Variants in RSF1 observed in about 807,000 individuals in gnomAD.
RSF1 encodes the protein remodeling and spacing factor 1.
RSF1 carries 13 observed loss-of-function variants against 145.2 expected under a neutral mutation model. That is an observed-to-expected ratio of 0.09 (90% confidence interval 0.06 to 0.14). RSF1 has a LOEUF of 0.14. Among genes scored for constraint, RSF1 ranks in the 10% least tolerant of loss-of-function variants. RSF1 has a pLI of 1.00. For missense variants in RSF1, 1,517 were observed against 1,718.2 expected (o/e 0.88, Z 2.07); for synonymous variants, 577 against 592.6 (o/e 0.97, Z 0.38).
intron 3 of RSF1, among the ~76,000 whole-genome samples, chr11:77,744,928 C>T (rs1265435287): frequency 6.6e-6 from 1 of 152,042 alleles, no homozygotes; most frequent in Non-Finnish European, 1.5e-5. Context: ...GCCATCATAC[C>T]CTGGGCTTTT....
intron 15 of RSF1, 98 bp from the exon 16 acceptor site, chr11:77,667,589 G>T (rs1194388863): frequency 9.2e-7 from 1 of 1,087,156 alleles, no homozygotes; most frequent in Non-Finnish European, 1.3e-6. Context: ...CCTGCTTTCA[G>T]AATTGCTTGT....
chr11:77,817,567 G>A (rs1355385629), intron 1 of RSF1, among the ~76,000 whole-genome samples: 1 of 152,160 alleles, frequency 6.6e-6, no homozygotes, highest in Non-Finnish European at 1.5e-5. Context: ...GCTCTAGGGT[G>A]CCTTGGTGCA....
chr11:77,716,399 A>G (rs952994523), intron 5 of RSF1, among the ~76,000 whole-genome samples: 2 of 152,242 alleles, frequency 1.3e-5, no homozygotes, highest in Non-Finnish European at 2.9e-5. Context: ...AGAAGGATAA[A>G]GAAAATATGA....
chr11:77,723,844 T>C (rs1440329699), intron 5 of RSF1, among the ~76,000 whole-genome samples: 1 of 152,238 alleles, frequency 6.6e-6, no homozygotes, highest in East Asian at 1.9e-4. Flanking sequence ...CCTTCCCTTG[T>C]CATTAAAAGG....
At position 77,776,252 on chromosome 11, in the gene RSF1, A is replaced by G. The variant is rs1948341309; in HGVS notation, c.188-11563T>C. On this transcript the variant is annotated intron_variant, in intron 1 of 15. Coordinates refer to ENST00000308488, the MANE Select transcript of RSF1 (RefSeq NM_016578.4). Reference sequence around the variant, plus strand: ...AACAAAAACGGGGAAAAAACCTTCAACAGCATATTAGAAGATTCCTTTATG... The same window carrying G: ...AACAAAAACGGGGAAAAAACCTTCAGCAGCATATTAGAAGATTCCTTTATG... Among the ~76,000 whole-genome samples the G allele has an allele frequency of 2.0e-5, 3 of 152,270 alleles. No homozygotes were observed. In the South Asian group the frequency reaches 6.2e-4, roughly 32 times the overall value.
intron 1 of RSF1, among the ~76,000 whole-genome samples, chr11:77,793,663 C>A (rs12418152): frequency 6.6e-6 from 1 of 152,022 alleles, no homozygotes; most frequent in Non-Finnish European, 1.5e-5. Flanking sequence ...GATCTGGCTG[C>A]GACATCTGTC....
chr11:77,791,203 T>A (rs181219228), intron 1 of RSF1, among the ~76,000 whole-genome samples: 2 of 152,360 alleles, frequency 1.3e-5, no homozygotes, highest in East Asian at 3.9e-4. Flanking sequence ...TCTTGACTTC[T>A]GTGCACCCAC....
chr11:77,749,670 C>T (rs942792659), intron 2 of RSF1, among the ~76,000 whole-genome samples: 4 of 152,222 alleles, frequency 2.6e-5, no homozygotes. Context: ...TGCCCCCACA[C>T]TGTTTAACTT....
intron 5 of RSF1, among the ~76,000 whole-genome samples, chr11:77,708,129 G>T (rs1960596098): frequency 6.6e-6 from 1 of 152,162 alleles, no homozygotes; most frequent in Non-Finnish European, 1.5e-5. Context: ...CTTCAGAAAA[G>T]GTACTCTTGG....
At chr11:77,689,297 T>C (rs1590830691) in intron 9 of RSF1, among the ~76,000 whole-genome samples, 2 of 152,220 alleles carry the variant, frequency 1.3e-5, no homozygotes, top group Non-Finnish European at 2.9e-5. Context: ...AAGATATACT[T>C]ACATATGTCT....
At chr11:77,841,378 T>A in the RSF1 span, 1 of 597,114 alleles carries the variant, frequency 1.7e-6, no homozygotes, top group Non-Finnish European at 3.0e-6. Context: ...GTTTTTTCCT[T>A]GATTTTATTC....
upstream of RSF1, among the ~76,000 whole-genome samples, chr11:77,824,904 T>G (rs765274424): frequency 7.2e-5 from 11 of 152,236 alleles, no homozygotes; most frequent in Non-Finnish European, 1.6e-4. Flanking sequence ...GGTACCAGTC[T>G]GCCTTTTATA....
chr11:77,693,974 G>A (rs972856862), intron 7 of RSF1, among the ~76,000 whole-genome samples: 1 of 151,662 alleles, frequency 6.6e-6, no homozygotes, highest in Admixed American at 6.6e-5. Context: ...TAGTAGAGAC[G>A]GGGTTTCACC....
chr11:77,722,566 G>C (rs999029037), intron 5 of RSF1, among the ~76,000 whole-genome samples: 1 of 152,154 alleles, frequency 6.6e-6, no homozygotes. Context: ...TAAGAGCATA[G>C]GGTATAGAAG....
chr11:77,839,794 G>A, the RSF1 span, among the ~76,000 whole-genome samples: 5 of 152,154 alleles, frequency 3.3e-5, no homozygotes, highest in African/African-American at 1.2e-4. Context: ...ACAGGGAGGG[G>A]AACAACACAC....
At chr11:77,734,697 A>G in intron 4 of RSF1, 2 of 1,428,060 alleles carry the variant, frequency 1.4e-6, no homozygotes, top group Non-Finnish European at 2.0e-6. Flanking sequence ...ACTGATTCAC[A>G]TTTTTTTCCA....
At chr11:77,840,104 AC>A in the RSF1 span, among the ~76,000 whole-genome samples, 1 of 151,980 alleles carries the variant, frequency 6.6e-6, no homozygotes, top group Middle Eastern at 3.4e-3. Flanking sequence ...GTAAACACAC[AC>A]ACACACACAC....
intron 1 of RSF1, among the ~76,000 whole-genome samples, chr11:77,818,972 G>A (rs1276841385): frequency 6.6e-6 from 1 of 152,190 alleles, no homozygotes; most frequent in Non-Finnish European, 1.5e-5. Context: ...TAGAGGGAAT[G>A]TGGACAGGTA....
chr11:77,740,697 CAAAT>C, intron 4 of RSF1, 30 bp downstream of exon 4: 1 of 1,564,104 alleles, frequency 6.4e-7, no homozygotes, highest in South Asian at 1.1e-5. Context: ...ACAAAACACA[CAAAT>C]AAGTGTAAAA....
Sources: allele counts gnomAD v4.1 joint callset (sites outside exome capture counted in the v4.1 genomes callset), GRCh38; gene constraint gnomAD v4.1.1; transcripts MANE v1.5; gene names NCBI Gene and HGNC (gene_info 2026-07-23, HGNC 2026-07-21).